Variants in ARSK observed in about 807,000 individuals in gnomAD.
The protein encoded by ARSK is arylsulfatase K.
A neutral mutation model predicts 53.2 loss-of-function variants in ARSK; 37 were observed. The observed-to-expected ratio is 0.70, with a 90% CI of 0.54 to 0.92. The LOEUF (loss-of-function observed/expected upper bound fraction) is 0.92. Ranked by LOEUF, ARSK falls within the 40% of genes least tolerant of loss-of-function variation. The pLI is 0.00. For synonymous variants in ARSK, 208 were observed against 223.2 expected, an observed-to-expected ratio of 0.93 and a Z score of 0.61; for missense variants, 613 against 643.0, an observed-to-expected ratio of 0.95 and a Z score of 0.51.
intron 1 of ARSK, among the ~76,000 whole-genome samples, chr5:95,564,031 G>A (rs972123286): frequency 4.2e-5 from 6 of 143,930 alleles, no homozygotes; most frequent in African/African-American, 7.8e-5. Context: ...ATGCTGGAGT[G>A]CAGTGGCGCC....
chr5:95,570,158 A>G (rs543856069), intron 3 of ARSK, among the ~76,000 whole-genome samples: 7 of 152,292 alleles, frequency 4.6e-5, no homozygotes, highest in Non-Finnish European at 8.8e-5. Context: ...AAATCTTTCA[A>G]TGGTTTTTCT....
At chr5:95,557,270 T>G (rs1216666781) in intron 1 of ARSK, among the ~76,000 whole-genome samples, 1 of 152,136 alleles carries the variant, frequency 6.6e-6, no homozygotes, top group Non-Finnish European at 1.5e-5. Context: ...GTTCATTGCA[T>G]CTAGACCTTT....
chr5:95,572,926 G>A (rs1366062692), intron 3 of ARSK, among the ~76,000 whole-genome samples: 8 of 152,148 alleles, frequency 5.3e-5, no homozygotes. Flanking sequence ...GAAGACATTT[G>A]ACAATGTCTG....
chr5:95,561,056 G>A (rs982701475), intron 1 of ARSK, among the ~76,000 whole-genome samples: 3 of 152,094 alleles, frequency 2.0e-5, no homozygotes, highest in Non-Finnish European at 4.4e-5. Flanking sequence ...GGATATACCC[G>A]CCTAGGCCTC....
intron 1 of ARSK, among the ~76,000 whole-genome samples, chr5:95,558,245 C>G (rs1748562381): frequency 6.6e-6 from 1 of 152,170 alleles, no homozygotes; most frequent in African/African-American, 2.4e-5. Flanking sequence ...GTTGAGAATC[C>G]TAGGGCCCTA....
At chr5:95,561,908 C>T (rs142116764) in intron 1 of ARSK, among the ~76,000 whole-genome samples, 3 of 152,198 alleles carry the variant, frequency 2.0e-5, no homozygotes, top group Non-Finnish European at 4.4e-5. Context: ...TCTTAATAAA[C>T]CCATTTTTAA....
At chr5:95,596,721 A>T (rs1749314861) in intron 6 of ARSK, among the ~76,000 whole-genome samples, 1 of 152,186 alleles carries the variant, frequency 6.6e-6, no homozygotes, top group Non-Finnish European at 1.5e-5. Context: ...AAACTGAATA[A>T]GAAAAACCAA....
intron 1 of ARSK, among the ~76,000 whole-genome samples, chr5:95,562,268 C>A (rs1748649673): frequency 6.6e-6 from 1 of 151,922 alleles, no homozygotes; most frequent in Non-Finnish European, 1.5e-5. Context: ...GCATCTCTGC[C>A]TGGGTCTTAA....
chr5:95,562,157 A>C (rs935911925), intron 1 of ARSK, among the ~76,000 whole-genome samples: 15 of 152,150 alleles, frequency 9.9e-5, no homozygotes, highest in Admixed American at 3.9e-4. Context: ...GTTGCAGTGA[A>C]CCGAGATTGT....
chr5:95,588,475 TCCTC>T (rs1167167863), intron 5 of ARSK, among the ~76,000 whole-genome samples: 1 of 151,746 alleles, frequency 6.6e-6, no homozygotes, highest in African/African-American at 2.4e-5. Context: ...GACCTCATGA[TCCTC>T]CCAAAGTGCT....
In ARSK at chr5:95,603,178, T is replaced by C; in HGVS notation, c.1322-59T>C. On this transcript the variant is annotated intron_variant, in intron 7 of 7. Coordinates refer to ENST00000380009, the MANE Select transcript of ARSK (RefSeq NM_198150.3). ...TAATACATTACCTGTCATAATGACA[T>C]TCTAAAAAAATTTTTAGCAGGTCAC... 5.1e-6 allele frequency: 7 copies of C among 1,375,624 alleles called. No individual in the cohort carries two copies. The South Asian group carries it at 1.1e-4, about 22-fold the overall frequency. 85.2% of individuals were successfully genotyped at this position (1,375,624 alleles called of 1,614,324 possible).
intron 2 of ARSK, among the ~76,000 whole-genome samples, chr5:95,567,034 G>A (rs1415802965): frequency 6.6e-6 from 1 of 152,210 alleles, no homozygotes; most frequent in Non-Finnish European, 1.5e-5. Flanking sequence ...GGGCTAGGGT[G>A]AGACAATGAC....
At position 95,591,586 on chromosome 5, in the gene ARSK, A is replaced by C; in HGVS notation, c.1057A>C (p.Asn353His). Reference sequence around the variant, plus strand: ...AATTAAAGCCGGCCTACAAGTATCAAATGTGGTTTCTCTTGTGGATATTTA... The same window carrying C: ...AATTAAAGCCGGCCTACAAGTATCACATGTGGTTTCTCTTGTGGATATTTA... ...PGIKAGLQVS[N>H]VVSLVDIYPT... Residue 353 changes from asparagine (N) to histidine (H), a missense_variant, in exon 6 of 8, where the codon AAT becomes CAT. Transcript: ENST00000380009. The C allele has an allele frequency of 6.2e-7, 1 of 1,614,142 alleles. No homozygotes were observed. The highest frequency in any genetic ancestry group is 8.5e-7 in the Non-Finnish European group (1 of 1,180,012).
chr5:95,572,705 G>A (rs1386140359), intron 3 of ARSK, among the ~76,000 whole-genome samples: 1 of 152,204 alleles, frequency 6.6e-6, no homozygotes, highest in African/African-American at 2.4e-5. Context: ...GTGAACCCGG[G>A]AGGCGGAGCT....
intron 5 of ARSK, among the ~76,000 whole-genome samples, chr5:95,589,474 C>T (rs1474718677): frequency 4.6e-5 from 7 of 152,118 alleles, no homozygotes; most frequent in East Asian, 1.9e-4. Context: ...TTCCCCTCCC[C>T]GTGTTCATGT....
chr5:95,571,269 A>G (rs989800608), intron 3 of ARSK, among the ~76,000 whole-genome samples: 3 of 152,238 alleles, frequency 2.0e-5, no homozygotes, highest in African/African-American at 7.2e-5. Context: ...TCTATGTGAC[A>G]TGGTTAAAAT....
chr5:95,571,204 T>G (rs142510143), intron 3 of ARSK, among the ~76,000 whole-genome samples: 78 of 152,368 alleles, frequency 5.1e-4, no homozygotes, highest in African/African-American at 1.8e-3. Flanking sequence ...TACAACTGTT[T>G]ATAATAAAAG....
At chr5:95,597,984 G>T (rs565890812) in intron 6 of ARSK, among the ~76,000 whole-genome samples, 2 of 151,980 alleles carry the variant, frequency 1.3e-5, no homozygotes, top group Non-Finnish European at 2.9e-5. Flanking sequence ...GTTAGATATG[G>T]TTATCATTAA....
At chr5:95,572,349 A>C (rs1195466882) in intron 3 of ARSK, among the ~76,000 whole-genome samples, 1 of 152,230 alleles carries the variant, frequency 6.6e-6, no homozygotes, top group East Asian at 1.9e-4. Flanking sequence ...AAGTTCTTCT[A>C]CTCTGAAATT....
Sources: allele counts gnomAD v4.1 joint callset (sites outside exome capture counted in the v4.1 genomes callset), GRCh38; gene constraint gnomAD v4.1.1; transcripts MANE v1.5; gene names NCBI Gene and HGNC (gene_info 2026-07-23, HGNC 2026-07-21).